MBOAT1: variants seen among roughly 807,000 people sequenced by gnomAD.
MBOAT1 encodes membrane bound glycerophospholipid O-acyltransferase 1, also known as membrane-bound glycerophospholipid O-acyltransferase 1.
A neutral mutation model predicts 64.4 loss-of-function variants in MBOAT1; 67 were observed. The ratio of observed to expected loss-of-function variants is 1.04; its 90% CI spans 0.85 to 1.27. The LOEUF (loss-of-function observed/expected upper bound fraction) is 1.27. Among genes scored for constraint, MBOAT1 ranks in the 50% most tolerant of loss-of-function variants. The pLI, the probability that MBOAT1 is intolerant of heterozygous loss-of-function variation, is 0.00. For synonymous variants in MBOAT1, 229 were observed against 218.9 expected (o/e 1.05, Z -0.41); for missense variants, 563 against 604.6 (o/e 0.93, Z 0.72).
intron 1 of MBOAT1, among the ~76,000 whole-genome samples, chr6:20,190,616 A>C (rs1159717742): frequency 1.3e-5 from 2 of 152,050 alleles, no homozygotes; most frequent in Non-Finnish European, 2.9e-5. Context: ...CCATAGCTTG[A>C]GTATACCATA....
chr6:20,191,931 A>G (rs971593637), intron 1 of MBOAT1, among the ~76,000 whole-genome samples: 1 of 152,112 alleles, frequency 6.6e-6, no homozygotes, highest in Non-Finnish European at 1.5e-5. Flanking sequence ...AGTTATGCAT[A>G]TTTTCCTTTA....
chr6:20,178,133 T>C (rs1581447611), intron 1 of MBOAT1, among the ~76,000 whole-genome samples: 1 of 152,196 alleles, frequency 6.6e-6, no homozygotes, highest in Non-Finnish European at 1.5e-5. Flanking sequence ...CTTAGCCCTA[T>C]ACAGTATACA....
chr6:20,212,005 A>ACACACACAC (rs1278813049), intron 1 of MBOAT1, 131 bp downstream of exon 1: 4 of 530,056 alleles, frequency 7.5e-6, no homozygotes, highest in Admixed American at 6.7e-5. Context: ...CACACACACA[A>ACACACACAC]AAACCAACTG....
At position 20,191,002 on chromosome 6, in the gene MBOAT1, C is replaced by G. The variant is rs538168021; in HGVS notation, c.99+21134G>C. 1.5e-3 allele frequency among the ~76,000 whole-genome samples: 225 copies of G among 152,296 alleles called. 9 individuals are homozygous for G. The South Asian group carries it at 0.045, about 31-fold the overall frequency. On this transcript the variant is annotated intron_variant, in intron 1 of 12. Transcript: ENST00000324607. The stretch of plus-strand genomic sequence containing the variant: ...CCATTAGGCTTAATTCTGCTAAGGA[C>G]ACAGAATAATTATTCTCCTCAAACA...
intron 12 of MBOAT1, among the ~76,000 whole-genome samples, chr6:20,104,814 C>T (rs542725278): frequency 1.3e-5 from 2 of 152,330 alleles, no homozygotes; most frequent in Admixed American, 1.3e-4. Context: ...TAGTGAAGAG[C>T]TCGAACAGAA....
chr6:20,125,478 G>T (rs945451651), intron 7 of MBOAT1, among the ~76,000 whole-genome samples: 1 of 152,250 alleles, frequency 6.6e-6, no homozygotes, highest in South Asian at 2.1e-4. Flanking sequence ...GAACTAAAAC[G>T]CAACCTCACC....
intron 1 of MBOAT1, among the ~76,000 whole-genome samples, chr6:20,202,763 T>C (rs938258634): frequency 4.6e-5 from 7 of 152,234 alleles, no homozygotes; most frequent in African/African-American, 1.7e-4. Flanking sequence ...CTTTTCCCAC[T>C]GACGACTCTC....
intron 1 of MBOAT1, among the ~76,000 whole-genome samples, chr6:20,160,939 A>G (rs1434586691): frequency 6.6e-6 from 1 of 152,192 alleles, no homozygotes; most frequent in South Asian, 2.1e-4. Flanking sequence ...ATTGATAATC[A>G]ATGTACACAA....
intron 3 of MBOAT1, 143 bp downstream of exon 3, chr6:20,151,042 C>T (rs1761477324): frequency 3.5e-6 from 2 of 570,482 alleles, no homozygotes; most frequent in Admixed American, 3.3e-5. Flanking sequence ...TTTAGGGTTC[C>T]CCATCCCTCC....
Position 20,152,678 on chromosome 6 carries a change from C to T in MBOAT1, c.191G>A (p.Arg64Gln). 1 of 1,611,832 alleles carries T rather than the reference C, an allele frequency of 6.2e-7. No individual in the cohort carries two copies. Among genetic ancestry groups the T allele is most frequent in the Non-Finnish European group, 8.5e-7 (1 of 1,178,566 alleles). The change falls in exon 2 of 13, where the codon CGG becomes CAG. Residue 64 changes from arginine to glutamine, a missense_variant. Transcript: ENST00000324607. The part of the protein sequence containing the change: ...LRPGTTSSDV[R>Q]HAVATIFGIY... ...GCCAAAAATGGTGGCAACCGCATGC[C>T]GGACATCAGAGCTGGTTGTACCAGG... is the stretch of plus-strand genomic sequence containing the variant.
chr6:20,114,049 T>C (rs1043489466), intron 10 of MBOAT1, among the ~76,000 whole-genome samples: 2 of 152,106 alleles, frequency 1.3e-5, no homozygotes, highest in Non-Finnish European at 1.5e-5. Context: ...ACTCAGTGTA[T>C]AGAAATGGAA....
chr6:20,162,324 AAAGCAAAGGCTG>A (rs1363688072), intron 1 of MBOAT1, among the ~76,000 whole-genome samples: 1 of 152,116 alleles, frequency 6.6e-6, no homozygotes, highest in Non-Finnish European at 1.5e-5. Context: ...GGTAAGACTC[AAAGCAAAGGCTG>A]CGTGGGATGC....
intron 1 of MBOAT1, among the ~76,000 whole-genome samples, chr6:20,154,828 G>T (rs16883439): frequency 0.23 from 34,921 of 152,124 alleles, 4,561 homozygotes; most frequent in East Asian, 0.44. Flanking sequence ...GTTGTACTCT[G>T]GCAAAATGCA....
chr6:20,182,438 C>T (rs9350219), intron 1 of MBOAT1, among the ~76,000 whole-genome samples: 88,257 of 152,052 alleles, frequency 0.58, 25,911 homozygotes, highest in East Asian at 0.7. Context: ...ATTCAGACCA[C>T]AGCAACATCT....
At chr6:20,208,315 G>A (rs1180676221) in intron 1 of MBOAT1, among the ~76,000 whole-genome samples, 4 of 151,910 alleles carry the variant, frequency 2.6e-5, no homozygotes, top group East Asian at 1.9e-4. Context: ...GTATGGTGGC[G>A]CGCTCCAGTA....
intron 12 of MBOAT1, among the ~76,000 whole-genome samples, chr6:20,106,856 T>A (rs935475607): frequency 6.6e-6 from 1 of 152,210 alleles, no homozygotes; most frequent in African/African-American, 2.4e-5. Context: ...TCAACTCCTG[T>A]TTCATCCTAA....
intron 4 of MBOAT1, among the ~76,000 whole-genome samples, chr6:20,139,728 A>AT (rs963282957): frequency 3.3e-5 from 5 of 150,342 alleles, no homozygotes; most frequent in Non-Finnish European, 5.9e-5. Flanking sequence ...TGAGTTTTAA[A>AT]TTTTTTTGTA....
At chr6:20,181,551 T>A (rs1430113198) in intron 1 of MBOAT1, among the ~76,000 whole-genome samples, 1 of 152,208 alleles carries the variant, frequency 6.6e-6, no homozygotes, top group Non-Finnish European at 1.5e-5. Flanking sequence ...AGAGAGCCTC[T>A]CTCTGACTTC....
intron 8 of MBOAT1, among the ~76,000 whole-genome samples, chr6:20,122,870 C>A (rs969203635): frequency 6.6e-6 from 1 of 152,032 alleles, no homozygotes; most frequent in Non-Finnish European, 1.5e-5. Context: ...CTTGCTCCAT[C>A]ATCCAGGCCG....
Sources: gnomAD v4.1 joint callset for allele counts (sites outside exome capture counted in the v4.1 genomes callset) on GRCh38, gnomAD v4.1.1 for gene constraint, MANE v1.5 for transcripts, NCBI Gene and HGNC (gene_info 2026-07-23, HGNC 2026-07-21) for gene names.